UBE2W: variants seen among roughly 807,000 people sequenced by gnomAD.
UBE2W encodes ubiquitin-conjugating enzyme E2 W.
UBE2W carries 18 observed loss-of-function variants against 27.2 expected under a neutral mutation model. The ratio of observed to expected loss-of-function variants is 0.66; its 90% CI spans 0.46 to 0.98. The LOEUF is 0.98. Among genes scored for constraint, UBE2W ranks in the 50% least tolerant of loss-of-function variants. The pLI is 0.00. For missense variants in UBE2W, 90 were observed against 180.2 expected, an observed-to-expected ratio of 0.50 and a Z score of 2.87; for synonymous variants, 53 against 57.2, an observed-to-expected ratio of 0.93 and a Z score of 0.33.
rs999753738 is a variant in UBE2W at position 73,789,123 on chromosome 8, C to G, written c.*4979G>C. The G allele has an allele frequency of 3.0e-6, 3 of 984,908 alleles. No individual in the cohort carries two copies. Among genetic ancestry groups the G allele is most frequent in the African/African-American group, 3.5e-5 (2 of 57,198 alleles). The allele number at this position is 984,908 out of a possible 1,614,324, so 61.0% of individuals were successfully genotyped here. The stretch of plus-strand genomic sequence containing the variant: ...AGGATAGAGAGCTAAGTTTCAAGTA[C>G]ATGTCTAGATTCTATGTGCCTCTAA... On this transcript the variant is annotated 3_prime_UTR_variant, in exon 6 of 6. Coordinates refer to ENST00000602593, the MANE Select transcript of UBE2W (RefSeq NM_018299.6).
chr8:73,816,418 T>A (rs1339405734), intron 3 of UBE2W, among the ~76,000 whole-genome samples: 2 of 151,868 alleles, frequency 1.3e-5, no homozygotes, highest in Non-Finnish European at 2.9e-5. Flanking sequence ...GGATGGAAAA[T>A]CAGACCAGGA....
rs151238779 is a variant in UBE2W, at chr8:73,811,904, A to G, written c.211-1275T>C. Among the ~76,000 whole-genome samples, 793 of 152,142 alleles carry G rather than the reference A, an allele frequency of 5.2e-3. 8 individuals are homozygous for G. The highest frequency in any genetic ancestry group is 3.9e-3 in the East Asian group (20 of 5,184). ...AAATATGAATAGAATAAGGTATGCT[A>G]TAGTTTAATATGGAATATGTTATAG... On this transcript the variant is annotated intron_variant, in intron 3 of 5. Coordinates refer to ENST00000602593, the MANE Select transcript of UBE2W (RefSeq NM_018299.6).
At chr8:73,878,532 A>C (rs1812339599) in intron 1 of UBE2W, among the ~76,000 whole-genome samples, 1 of 152,124 alleles carries the variant, frequency 6.6e-6, no homozygotes, top group Admixed American at 6.5e-5. Flanking sequence ...TGAGACCGCC[A>C]ACGCCAGACT....
chr8:73,805,683 T>C lies in UBE2W; in HGVS notation c.410A>G (p.Lys137Arg), dbSNP rs778989417. 6.5e-7 allele frequency: 1 copy of C among 1,548,652 alleles called. No homozygotes were observed. Among genetic ancestry groups the C allele is most frequent in the Non-Finnish European group, 8.8e-7 (1 of 1,142,436 alleles). The change falls in exon 5 of 6, where the codon AAG (lysine) becomes AGG (arginine). Residue 137 changes from lysine (K) to arginine (R), a missense_variant. Physicochemically the swap from Lys to Arg is conservative, Grantham distance 26 (BLOSUM62 2). Coordinates refer to ENST00000602593, the MANE Select transcript of UBE2W (RefSeq NM_018299.6). The stretch of plus-strand genomic sequence containing the variant: ...CCACCATTTTGTTTTCTTTGGATTC[T>C]TGTTACATGTTCGCACATAAAAAGA... Reference protein sequence around the residue: ...DNSFYVRTCNKNPKKTKWWYH... With the variant: ...DNSFYVRTCNRNPKKTKWWYH...
At chr8:73,855,748 G>C (rs1226785653) in intron 1 of UBE2W, among the ~76,000 whole-genome samples, 1 of 152,040 alleles carries the variant, frequency 6.6e-6, no homozygotes, top group Non-Finnish European at 1.5e-5. Context: ...TATATGGTCT[G>C]TAAGTGTGTA....
chr8:73,828,787 T>A (rs1199194623), intron 2 of UBE2W, among the ~76,000 whole-genome samples: 1 of 152,192 alleles, frequency 6.6e-6, no homozygotes, highest in African/African-American at 2.4e-5. Flanking sequence ...AATTATACTT[T>A]TAGTTATGTG....
At chr8:73,872,461 T>C (rs966468054) in intron 1 of UBE2W, among the ~76,000 whole-genome samples, 2 of 152,226 alleles carry the variant, frequency 1.3e-5, no homozygotes, top group Admixed American at 6.5e-5. Flanking sequence ...ATAACTGTAA[T>C]GTTCTTCATA....
At chr8:73,839,070 T>C (rs1389761496) in intron 1 of UBE2W, among the ~76,000 whole-genome samples, 2 of 152,194 alleles carry the variant, frequency 1.3e-5, no homozygotes, top group African/African-American at 4.8e-5. Flanking sequence ...CTTTTGTTGT[T>C]TCATTCTTTC....
At chr8:73,825,807 C>G (rs1809812856) in intron 2 of UBE2W, among the ~76,000 whole-genome samples, 1 of 151,972 alleles carries the variant, frequency 6.6e-6, no homozygotes, top group Non-Finnish European at 1.5e-5. Context: ...TCAAAATAAA[C>G]AAACAAACAG....
intron 1 of UBE2W, among the ~76,000 whole-genome samples, chr8:73,850,117 AAAGTT>A (rs1389077591): frequency 4.6e-5 from 7 of 152,198 alleles, no homozygotes; most frequent in African/African-American, 7.2e-5. Context: ...GAGAAAGTCA[AAAGTT>A]AAGAATAGAC....
intron 1 of UBE2W, among the ~76,000 whole-genome samples, chr8:73,867,174 G>A (rs978364665): frequency 6.6e-6 from 1 of 151,964 alleles, no homozygotes; most frequent in East Asian, 1.9e-4. Flanking sequence ...GCTGCAGTGG[G>A]TGGATCACTT....
At chr8:73,806,811 T>C (rs1315640607) in intron 4 of UBE2W, among the ~76,000 whole-genome samples, 2 of 152,102 alleles carry the variant, frequency 1.3e-5, no homozygotes, top group Non-Finnish European at 2.9e-5. Context: ...TAGAATACCA[T>C]CAAAGATAGA....
chr8:73,853,973 A>AC (rs1044791654), intron 1 of UBE2W, among the ~76,000 whole-genome samples: 12 of 151,570 alleles, frequency 7.9e-5, no homozygotes, highest in African/African-American at 2.7e-4. Context: ...ACATAGTAAG[A>AC]CCCCCATCTT....
chr8:73,790,454 G>A lies in UBE2W; in HGVS notation c.*3648C>T, dbSNP rs2130836565. ...ATTCTGATAATGAATCCTCAGAAAA[G>A]AAGAATATGGTTAAGCTTCAGTTCT... On this transcript the variant is annotated 3_prime_UTR_variant, in exon 6 of 6. Transcript: ENST00000602593. 1 of 985,166 alleles carries A rather than the reference G, an allele frequency of 1.0e-6. No individual in the cohort carries two copies. 61.0% of individuals were successfully genotyped at this position (985,166 alleles called of 1,614,324 possible). A position where few individuals can be genotyped will look rare whatever the true frequency, so the allele number is the denominator to read the frequency against.
chr8:73,812,877 T>C (rs1809211592), intron 3 of UBE2W, among the ~76,000 whole-genome samples: 1 of 151,524 alleles, frequency 6.6e-6, no homozygotes, highest in African/African-American at 2.4e-5. Context: ...CGGTGGCACG[T>C]GCCTGTCATT....
chr8:73,856,873 T>C (rs1488692472), intron 1 of UBE2W, among the ~76,000 whole-genome samples: 2 of 151,956 alleles, frequency 1.3e-5, no homozygotes, highest in Non-Finnish European at 2.9e-5. Context: ...ACCTGGCTAA[T>C]TTTTTGTATT....
intron 5 of UBE2W, among the ~76,000 whole-genome samples, chr8:73,805,330 G>A (rs1169070233): frequency 6.7e-6 from 1 of 150,260 alleles, no homozygotes; most frequent in African/African-American, 2.4e-5. Flanking sequence ...GCACATGCCT[G>A]TAATCTCAGC....
At chr8:73,812,463 C>T (rs1207556020) in intron 3 of UBE2W, among the ~76,000 whole-genome samples, 3 of 151,818 alleles carry the variant, frequency 2.0e-5, no homozygotes, top group Non-Finnish European at 4.4e-5. Flanking sequence ...CTTATAGTTC[C>T]ACACTGGAGT....
intron 5 of UBE2W, among the ~76,000 whole-genome samples, chr8:73,796,334 A>G (rs867689769): frequency 6.6e-6 from 1 of 152,182 alleles, no homozygotes; most frequent in Non-Finnish European, 1.5e-5. Context: ...GTGATACAAG[A>G]TAACAATATA....
Sources: gnomAD v4.1 joint callset for allele counts (sites outside exome capture counted in the v4.1 genomes callset) on GRCh38, gnomAD v4.1.1 for gene constraint, MANE v1.5 for transcripts, NCBI Gene and HGNC (gene_info 2026-07-23, HGNC 2026-07-21) for gene names.